The following PLPP4 variants were observed in gnomAD, a reference collection of about 807,000 sequenced individuals.
The protein encoded by PLPP4 is diacylglycerol pyrophosphate like 2.
Under a neutral mutation model 32.2 loss-of-function variants are expected in PLPP4, and 20 were observed. The ratio of observed to expected loss-of-function variants is 0.62; its 90% CI spans 0.44 to 0.90. The LOEUF is 0.90. PLPP4 is among the 40% of genes least tolerant of loss of function. The pLI is 0.00. For missense variants in PLPP4, 257 were observed against 353.1 expected (o/e 0.73, Z 2.18); for synonymous variants, 127 against 133.0 (o/e 0.95, Z 0.31).
intron 1 of PLPP4, among the ~76,000 whole-genome samples, chr10:120,476,759 G>A (rs1843938051): frequency 6.6e-6 from 1 of 152,158 alleles, no homozygotes; most frequent in Non-Finnish European, 1.5e-5. Flanking sequence ...ATCTGAAGAG[G>A]ATAGTAGAAA....
intron 6 of PLPP4, chr10:120,580,930 C>T (rs978491376): frequency 3.9e-6 from 5 of 1,289,336 alleles, no homozygotes; most frequent in African/African-American, 3.0e-5. Context: ...CCCACAGTCA[C>T]ATTTACCATC....
At chr10:120,480,303 C>T (rs1331350356) in intron 1 of PLPP4, among the ~76,000 whole-genome samples, 1 of 152,108 alleles carries the variant, frequency 6.6e-6, no homozygotes, top group African/African-American at 2.4e-5. Context: ...GGAGTGCATC[C>T]AAGGATTATT....
At chr10:120,482,894 A>G (rs2133820687) in intron 1 of PLPP4, among the ~76,000 whole-genome samples, 1 of 152,278 alleles carries the variant, frequency 6.6e-6, no homozygotes, top group South Asian at 2.1e-4. Context: ...CCTGGGTGAC[A>G]GAGTGAGACT....
At chr10:120,575,346 C>T in intron 6 of PLPP4, 45 bp downstream of exon 6, 1 of 1,585,846 alleles carries the variant, frequency 6.3e-7, no homozygotes, top group South Asian at 1.1e-5. Flanking sequence ...TGTGGTTGCC[C>T]CTCTCCTCCA....
intron 5 of PLPP4, among the ~76,000 whole-genome samples, chr10:120,570,764 T>C (rs553471192): frequency 1.8e-3 from 275 of 152,284 alleles, no homozygotes; most frequent in Non-Finnish European, 3.0e-3. Flanking sequence ...CTTTTCAGTG[T>C]CACCAGGCAG....
intron 1 of PLPP4, among the ~76,000 whole-genome samples, chr10:120,483,209 G>A (rs2133821217): frequency 6.6e-6 from 1 of 152,302 alleles, no homozygotes; most frequent in Admixed American, 6.5e-5. Flanking sequence ...TTTGGCCACA[G>A]ACTGAAGGCT....
At chr10:120,485,957 G>A (rs1003373593) in intron 1 of PLPP4, among the ~76,000 whole-genome samples, 4 of 152,152 alleles carry the variant, frequency 2.6e-5, no homozygotes, top group Admixed American at 6.5e-5. Context: ...ACTGCTGCAC[G>A]ATATTCTTGG....
At chr10:120,463,287 A>G (rs923738579) in intron 1 of PLPP4, among the ~76,000 whole-genome samples, 3 of 152,064 alleles carry the variant, frequency 2.0e-5, no homozygotes, top group Non-Finnish European at 4.4e-5. Context: ...TGGCCTCCCA[A>G]AGTGCTGGGA....
At chr10:120,496,297 G>A (rs769918022) in intron 1 of PLPP4, among the ~76,000 whole-genome samples, 2 of 152,190 alleles carry the variant, frequency 1.3e-5, no homozygotes, top group Admixed American at 1.3e-4. Context: ...GGGGAGAGTG[G>A]CATCACTGTC....
chr10:120,466,691 T>C lies in PLPP4; in HGVS notation c.56+9330T>C, dbSNP rs1848333607. On this transcript the variant is annotated intron_variant, in intron 1 of 6. Transcript: ENST00000398250. Reference sequence around the variant, plus strand: ...ATAGGTCAAAACACTCAAATCATGCTGAAGAAGTGACACCCTGACTTTGCT... The same window carrying C: ...ATAGGTCAAAACACTCAAATCATGCCGAAGAAGTGACACCCTGACTTTGCT... 3.9e-5 allele frequency among the ~76,000 whole-genome samples: 6 copies of C among 152,236 alleles called. No homozygotes were observed. The South Asian group carries it at 1.0e-3, about 26-fold the overall frequency.
At chr10:120,564,741 T>C (rs1848607869) in intron 5 of PLPP4, among the ~76,000 whole-genome samples, 1 of 151,944 alleles carries the variant, frequency 6.6e-6, no homozygotes, top group Non-Finnish European at 1.5e-5. Context: ...ATATTGCTTC[T>C]TACCATAAAG....
In PLPP4 at chr10:120,568,962, G is replaced by T. The variant is rs143995965; in HGVS notation, c.446-6169G>T. 5.8e-3 allele frequency among the ~76,000 whole-genome samples: 878 copies of T among 152,250 alleles called. 9 individuals carry two copies. Among genetic ancestry groups the T allele is most frequent in the African/African-American group, 0.02 (851 of 41,536 alleles). On this transcript the variant is annotated intron_variant, in intron 5 of 6. Transcript: ENST00000398250. The stretch of plus-strand genomic sequence containing the variant: ...TTCAAAAATCCTTAATCCCCAACCA[G>T]GTGCGGTGGCTCACGACTGTAATCC...
At chr10:120,557,066 A>G (rs1418457366) in intron 5 of PLPP4, among the ~76,000 whole-genome samples, 1 of 152,178 alleles carries the variant, frequency 6.6e-6, no homozygotes, top group Non-Finnish European at 1.5e-5. Context: ...ATAATTCTCA[A>G]GGAAAATAAA....
At chr10:120,556,597 A>G (rs1208229200) in intron 5 of PLPP4, among the ~76,000 whole-genome samples, 1 of 152,226 alleles carries the variant, frequency 6.6e-6, no homozygotes, top group Non-Finnish European at 1.5e-5. Flanking sequence ...TCTGCTAACT[A>G]TAGTTCCAAA....
intron 5 of PLPP4, among the ~76,000 whole-genome samples, chr10:120,554,281 A>G (rs1781747505): frequency 6.6e-6 from 1 of 152,196 alleles, no homozygotes; most frequent in African/African-American, 2.4e-5. Flanking sequence ...TCTCTTTGCT[A>G]AAGCTTAGCA....
intron 5 of PLPP4, among the ~76,000 whole-genome samples, chr10:120,531,002 A>G (rs1050208439): frequency 5.3e-5 from 8 of 152,070 alleles, no homozygotes; most frequent in Non-Finnish European, 1.0e-4. Flanking sequence ...GCCTTCTGTC[A>G]GATAATTTTT....
chr10:120,525,888 G>A (rs1252518756), intron 5 of PLPP4, among the ~76,000 whole-genome samples: 1 of 151,998 alleles, frequency 6.6e-6, no homozygotes, highest in Non-Finnish European at 1.5e-5. Context: ...CCACAATGAT[G>A]TACCTTACCG....
At chr10:120,526,986 G>A (rs987749699) in intron 5 of PLPP4, among the ~76,000 whole-genome samples, 2 of 152,102 alleles carry the variant, frequency 1.3e-5, no homozygotes, top group African/African-American at 4.8e-5. Flanking sequence ...TCTTCATAGA[G>A]TGATGTGGTG....
At chr10:120,486,257 TTTAAG>T (rs201453754) in intron 1 of PLPP4, among the ~76,000 whole-genome samples, 6,925 of 58,330 alleles carry the variant, frequency 0.12, 286 homozygotes, top group East Asian at 0.39. Flanking sequence ...TCCCATTTCA[TTTAAG>T]TTTTTTTTTT....
Sources: allele counts gnomAD v4.1 joint callset (sites outside exome capture counted in the v4.1 genomes callset), GRCh38; gene constraint gnomAD v4.1.1; transcripts MANE v1.5; gene names NCBI Gene and HGNC (gene_info 2026-07-23, HGNC 2026-07-21).